The following CNTNAP2 variants were observed in gnomAD, a reference collection of about 807,000 sequenced individuals.
CNTNAP2 encodes the protein contactin associated protein 2.
CNTNAP2 carries 98 observed loss-of-function variants against 155.2 expected under a neutral mutation model. The observed-to-expected ratio is 0.63, with a 90% CI of 0.54 to 0.75. The LOEUF is 0.75. Among genes scored for constraint, CNTNAP2 ranks in the 30% least tolerant of loss-of-function variants. CNTNAP2 has a pLI of 0.00. For synonymous variants in CNTNAP2, 651 were observed against 631.2 expected, an observed-to-expected ratio of 1.03 and a Z score of -0.47; for missense variants, 1,727 against 1,688.1, an observed-to-expected ratio of 1.02 and a Z score of -0.40.
Position 147,759,132 on chromosome 7 carries a change from A to G in CNTNAP2, c.2098+119826A>G, listed in dbSNP as rs191928757. Reference sequence around the variant, plus strand: ...CATCCACTTACTGTTCCTAAGGACAATTCAGTCCCTCCTCCCATGCGTAAA... The same window carrying G: ...CATCCACTTACTGTTCCTAAGGACAGTTCAGTCCCTCCTCCCATGCGTAAA... On this transcript the variant is annotated intron_variant, in intron 13 of 23. Transcript: ENST00000361727. Among the ~76,000 whole-genome samples the G allele has an allele frequency of 9.8e-4, 150 of 152,298 alleles. 1 individual carries two copies. Among genetic ancestry groups the G allele is most frequent in the Admixed American group, 2.6e-3 (40 of 15,286 alleles).
At chr7:146,711,832 CAT>C (rs1801083290) in intron 1 of CNTNAP2, among the ~76,000 whole-genome samples, 1 of 114,144 alleles carries the variant, frequency 8.8e-6, no homozygotes, top group African/African-American at 4.1e-5. Flanking sequence ...ATAGTATACA[CAT>C]CTTATGTATA....
intron 8 of CNTNAP2, among the ~76,000 whole-genome samples, chr7:147,202,732 G>A (rs1414731502): frequency 6.6e-6 from 1 of 152,044 alleles, no homozygotes; most frequent in East Asian, 1.9e-4. Context: ...TCACTCATAG[G>A]TGGGAGTTGA....
At chr7:146,578,389 C>T (rs1449536591) in intron 1 of CNTNAP2, among the ~76,000 whole-genome samples, 2 of 152,032 alleles carry the variant, frequency 1.3e-5, no homozygotes, top group East Asian at 1.9e-4. Context: ...AATCTTGTAC[C>T]TGCGTCTTAG....
At chr7:146,438,477 T>C (rs1483905297) in intron 1 of CNTNAP2, among the ~76,000 whole-genome samples, 1 of 151,458 alleles carries the variant, frequency 6.6e-6, no homozygotes, top group Non-Finnish European at 1.5e-5. Flanking sequence ...GCCCAAATAT[T>C]ACCTTCAGAA....
At chr7:146,671,736 C>T (rs1800310863) in intron 1 of CNTNAP2, among the ~76,000 whole-genome samples, 1 of 152,074 alleles carries the variant, frequency 6.6e-6, no homozygotes, top group Non-Finnish European at 1.5e-5. Context: ...TTATATTTCT[C>T]CTTCCATTTT....
intron 8 of CNTNAP2, among the ~76,000 whole-genome samples, chr7:147,219,193 C>T (rs548687853): frequency 1.3e-5 from 2 of 152,066 alleles, no homozygotes. Context: ...AGTCAGGGTT[C>T]TTTAAAGGGA....
At chr7:146,162,296 G>GAACTTA (rs1431419592) in intron 1 of CNTNAP2, among the ~76,000 whole-genome samples, 1 of 149,958 alleles carries the variant, frequency 6.7e-6, no homozygotes, top group Admixed American at 6.6e-5. Context: ...AATCTACAAA[G>GAACTTA]AACAAATTTA....
At chr7:146,965,758 T>G (rs1797645408) in intron 3 of CNTNAP2, among the ~76,000 whole-genome samples, 1 of 152,200 alleles carries the variant, frequency 6.6e-6, no homozygotes, top group South Asian at 2.1e-4. Context: ...TGACTAAACT[T>G]TATTCAGAGG....
chr7:146,283,370 G>A (rs568125683), intron 1 of CNTNAP2, among the ~76,000 whole-genome samples: 32 of 152,032 alleles, frequency 2.1e-4, no homozygotes, highest in Non-Finnish European at 4.1e-4. Flanking sequence ...TCTGTTTTTC[G>A]TTTTGTTTTG....
At chr7:147,261,044 A>G (rs2116684133) in intron 8 of CNTNAP2, among the ~76,000 whole-genome samples, 1 of 152,322 alleles carries the variant, frequency 6.6e-6, no homozygotes, top group African/African-American at 2.4e-5. Flanking sequence ...CACATTTTAC[A>G]GTCTCTGGCA....
At chr7:146,207,367 G>A (rs528526325) in intron 1 of CNTNAP2, among the ~76,000 whole-genome samples, 1 of 151,636 alleles carries the variant, frequency 6.6e-6, no homozygotes, top group South Asian at 2.1e-4. Flanking sequence ...TCTTTAATGG[G>A]GATTAAAATG....
chr7:148,308,247 T>C (rs1918288), intron 21 of CNTNAP2, among the ~76,000 whole-genome samples: 35,694 of 151,990 alleles, frequency 0.23, 4,758 homozygotes, highest in Middle Eastern at 0.34. Flanking sequence ...GTATGAATTA[T>C]ATGTCATAGG....
chr7:147,983,715 G>T (rs959485360), intron 15 of CNTNAP2, among the ~76,000 whole-genome samples: 2 of 152,188 alleles, frequency 1.3e-5, no homozygotes, highest in African/African-American at 4.8e-5. Flanking sequence ...TTGGAGATTG[G>T]TTAAAAGAGT....
At chr7:148,134,379 A>G (rs1372985757) in intron 16 of CNTNAP2, among the ~76,000 whole-genome samples, 2 of 152,344 alleles carry the variant, frequency 1.3e-5, no homozygotes, top group East Asian at 3.9e-4. Context: ...CGGTTCCTGT[A>G]TACATTAGTT....
intron 15 of CNTNAP2, among the ~76,000 whole-genome samples, chr7:148,067,059 C>T (rs1198966836): frequency 1.3e-5 from 2 of 152,072 alleles, no homozygotes; most frequent in Non-Finnish European, 2.9e-5. Context: ...CTGGTGCCTC[C>T]TTGAGTATCT....
chr7:146,594,386 T>C (rs2129150070), intron 1 of CNTNAP2, among the ~76,000 whole-genome samples: 1 of 151,808 alleles, frequency 6.6e-6, no homozygotes, highest in South Asian at 2.1e-4. Flanking sequence ...TATTTGGTGT[T>C]TGCACGTCTA....
intron 3 of CNTNAP2, among the ~76,000 whole-genome samples, chr7:147,006,494 A>G (rs1333111991): frequency 6.6e-6 from 1 of 152,110 alleles, no homozygotes; most frequent in Non-Finnish European, 1.5e-5. Context: ...AATAATGCAT[A>G]TGCTAAAGAG....
At chr7:147,077,087 A>G (rs1034234150) in intron 4 of CNTNAP2, among the ~76,000 whole-genome samples, 21 of 152,182 alleles carry the variant, frequency 1.4e-4, no homozygotes, top group African/African-American at 5.1e-4. Flanking sequence ...TTCTTAATAT[A>G]AAACTAATTT....
intron 2 of CNTNAP2, among the ~76,000 whole-genome samples, chr7:146,812,950 A>C (rs943071557): frequency 6.6e-6 from 1 of 152,128 alleles, no homozygotes; most frequent in Admixed American, 6.5e-5. Context: ...AGACAGTGCA[A>C]ATCCCAATCC....
Sources: gnomAD v4.1 joint callset for allele counts (sites outside exome capture counted in the v4.1 genomes callset) on GRCh38, gnomAD v4.1.1 for gene constraint, MANE v1.5 for transcripts, NCBI Gene and HGNC (gene_info 2026-07-23, HGNC 2026-07-21) for gene names.